Variants in CSMD1 observed in about 807,000 individuals in gnomAD.
CSMD1 encodes the protein CUB and Sushi multiple domains 1, also known as CUB and sushi domain-containing protein 1.
In CSMD1, 213 loss-of-function variants were observed where a neutral mutation model predicts 417.5. That is an observed-to-expected ratio of 0.51 (90% CI 0.46 to 0.57). The LOEUF (loss-of-function observed/expected upper bound fraction) is 0.57. Among genes scored for constraint, CSMD1 ranks in the 20% least tolerant of loss-of-function variants. The pLI, the probability that CSMD1 is intolerant of heterozygous loss-of-function variation, is 0.00. For synonymous variants in CSMD1, 2,862 were observed against 1,736.8 expected, an observed-to-expected ratio of 1.65 and a Z score of -16.11; for missense variants, 6,923 against 4,529.7, an observed-to-expected ratio of 1.53 and a Z score of -15.17.
intron 2 of CSMD1, among the ~76,000 whole-genome samples, chr8:4,563,386 G>A (rs1217364966): frequency 1.3e-5 from 2 of 152,106 alleles, no homozygotes; most frequent in Admixed American, 6.6e-5. Context: ...GGGTAACAGA[G>A]CGACACTCTG....
intron 50 of CSMD1, among the ~76,000 whole-genome samples, chr8:3,036,084 T>C (rs563601171): frequency 3.4e-4 from 52 of 152,296 alleles, no homozygotes; most frequent in African/African-American, 1.2e-3. Context: ...GTCCTGTGCA[T>C]AAAAGACACA....
At chr8:4,326,872 C>G (rs1563058565) in intron 3 of CSMD1, among the ~76,000 whole-genome samples, 1 of 151,926 alleles carries the variant, frequency 6.6e-6, no homozygotes, top group East Asian at 1.9e-4. Flanking sequence ...AAAGATTTAA[C>G]TTGGACTATT....
intron 5 of CSMD1, among the ~76,000 whole-genome samples, chr8:3,837,665 G>A (rs1234661310): frequency 6.6e-6 from 1 of 152,068 alleles, no homozygotes; most frequent in African/African-American, 2.4e-5. Flanking sequence ...TCCTACATAG[G>A]CACAGGGATG....
At chr8:3,771,513 A>C (rs570180670) in intron 5 of CSMD1, among the ~76,000 whole-genome samples, 1 of 152,234 alleles carries the variant, frequency 6.6e-6, no homozygotes, top group South Asian at 2.1e-4. Flanking sequence ...AACAGTTTGG[A>C]GCTTCTGCTC....
At chr8:4,084,528 T>A (rs1013804879) in intron 3 of CSMD1, among the ~76,000 whole-genome samples, 8 of 152,170 alleles carry the variant, frequency 5.3e-5, no homozygotes, top group African/African-American at 1.9e-4. Context: ...TTTTCCTTAC[T>A]TCCTCAAGGA....
intron 1 of CSMD1, among the ~76,000 whole-genome samples, chr8:4,975,228 G>C (rs1255389871): frequency 6.6e-6 from 1 of 151,908 alleles, no homozygotes; most frequent in African/African-American, 2.4e-5. Flanking sequence ...GAAAATATCA[G>C]AAAAAAAGTC....
At chr8:4,874,392 T>TTA (rs1306394771) in intron 1 of CSMD1, among the ~76,000 whole-genome samples, 1,522 of 149,500 alleles carry the variant, frequency 0.01, 25 homozygotes, top group Non-Finnish European at 0.011. Context: ...GATTGTATTT[T>TTA]TTTTTTTTTT....
At chr8:4,451,709 C>A (rs1034698002) in intron 2 of CSMD1, among the ~76,000 whole-genome samples, 1 of 151,996 alleles carries the variant, frequency 6.6e-6, no homozygotes, top group Non-Finnish European at 1.5e-5. Context: ...CCAGGCAAAG[C>A]TTTTTAAAAT....
intron 49 of CSMD1, among the ~76,000 whole-genome samples, chr8:3,056,714 AT>A: frequency 6.6e-6 from 1 of 152,008 alleles, no homozygotes; most frequent in Admixed American, 6.6e-5. Context: ...CAATGTAAGA[AT>A]TTTTTATTAA....
intron 12 of CSMD1, among the ~76,000 whole-genome samples, chr8:3,449,693 T>G (rs928171550): frequency 2.0e-5 from 3 of 152,112 alleles, no homozygotes; most frequent in African/African-American, 7.2e-5. Flanking sequence ...AATTTTTGTA[T>G]TTTTAGTAGA....
chr8:4,614,006 A>T (rs1801332634), intron 2 of CSMD1, among the ~76,000 whole-genome samples: 1 of 152,200 alleles, frequency 6.6e-6, no homozygotes. Flanking sequence ...TGTCCTAATA[A>T]AAATTTTAGG....
chr8:4,088,685 A>G (rs1800551038), intron 3 of CSMD1, among the ~76,000 whole-genome samples: 1 of 152,008 alleles, frequency 6.6e-6, no homozygotes, highest in African/African-American at 2.4e-5. Flanking sequence ...CTCATTCCTC[A>G]GTTCATTGCA....
chr8:4,619,745 G>A (rs1365720405), intron 2 of CSMD1, among the ~76,000 whole-genome samples: 1 of 152,086 alleles, frequency 6.6e-6, no homozygotes, highest in East Asian at 1.9e-4. Flanking sequence ...GTTTTCTGAA[G>A]AGGAAGAACT....
rs78880594 is a variant in CSMD1 at position 3,647,907 on chromosome 8, A to G, written c.1010-31110T>C. On this transcript the variant is annotated intron_variant, in intron 7 of 69. Transcript: ENST00000635120. The stretch of plus-strand genomic sequence containing the variant: ...GTAAGTTTGGAATTACTTCAAAACA[A>G]ATTACTCTGTTTGTTTTGTTTGTAA... 3.3e-3 allele frequency among the ~76,000 whole-genome samples: 502 copies of G among 152,382 alleles called. 4 individuals carry two copies. The highest frequency in any genetic ancestry group is 0.011 in the African/African-American group (471 of 41,576).
At chr8:4,884,652 G>A (rs1246338186) in intron 1 of CSMD1, among the ~76,000 whole-genome samples, 1 of 151,906 alleles carries the variant, frequency 6.6e-6, no homozygotes, top group African/African-American at 2.4e-5. Flanking sequence ...AATTGTCTTG[G>A]CAGTCATATC....
At chr8:4,856,965 T>G (rs1243768722) in intron 1 of CSMD1, among the ~76,000 whole-genome samples, 1 of 151,576 alleles carries the variant, frequency 6.6e-6, no homozygotes, top group Non-Finnish European at 1.5e-5. Context: ...GAATATACAT[T>G]TTTTTCAGCA....
rs80036133 is a variant in CSMD1 at position 4,169,307 on chromosome 8, C to A, written c.416-137208G>T. 4.7e-3 allele frequency among the ~76,000 whole-genome samples: 719 copies of A among 152,286 alleles called. 5 individuals are homozygous for A. Among genetic ancestry groups the A allele is most frequent in the African/African-American group, 0.016 (658 of 41,544 alleles). The stretch of plus-strand genomic sequence containing the variant: ...CTCAAAAGGCAACTCCTGATCCTTC[C>A]TCTAAAGCTGGTCCCTCCCATGTGC... On this transcript the variant is annotated intron_variant, in intron 3 of 69. Coordinates refer to ENST00000635120, the MANE Select transcript of CSMD1 (RefSeq NM_033225.6).
At chr8:4,976,401 G>C (rs1459288848) in intron 1 of CSMD1, among the ~76,000 whole-genome samples, 1 of 151,986 alleles carries the variant, frequency 6.6e-6, no homozygotes, top group Non-Finnish European at 1.5e-5. Context: ...ATTAATGAAG[G>C]CATTTTAATG....
At chr8:3,676,544 G>A (rs567171914) in intron 7 of CSMD1, among the ~76,000 whole-genome samples, 2 of 152,066 alleles carry the variant, frequency 1.3e-5, no homozygotes, top group Non-Finnish European at 2.9e-5. Flanking sequence ...ATATCCGAAT[G>A]GTACACATGT....
Sources: allele counts gnomAD v4.1 joint callset (sites outside exome capture counted in the v4.1 genomes callset), GRCh38; gene constraint gnomAD v4.1.1; transcripts MANE v1.5; gene names NCBI Gene and HGNC (gene_info 2026-07-23, HGNC 2026-07-21).